UPP2: variants seen among roughly 807,000 people sequenced by gnomAD.
The protein encoded by UPP2 is UPase 2.
Under a neutral mutation model 26.7 loss-of-function variants are expected in UPP2, and 23 were observed. The ratio of observed to expected loss-of-function variants is 0.86; its 90% CI spans 0.62 to 1.22. UPP2 has a LOEUF of 1.22. Ranked by LOEUF, UPP2 falls within the 50% of genes most tolerant of loss-of-function variation. The pLI, the probability that UPP2 is intolerant of heterozygous loss-of-function variation, is 0.00. For synonymous variants in UPP2, 127 were observed against 141.3 expected (o/e 0.90, Z 0.72); for missense variants, 387 against 396.7 (o/e 0.98, Z 0.21).
intron 6 of UPP2, among the ~76,000 whole-genome samples, chr2:158,129,383 G>C (rs921428335): frequency 6.6e-6 from 1 of 152,110 alleles, no homozygotes; most frequent in Non-Finnish European, 1.5e-5. Context: ...GAAGACAGCA[G>C]GTTTTTGAAC....
intron 3 of UPP2, among the ~76,000 whole-genome samples, chr2:158,116,093 C>A: frequency 6.6e-6 from 1 of 152,162 alleles, no homozygotes; most frequent in East Asian, 1.9e-4. Context: ...ACAGTGTGGA[C>A]AATCATTGAT....
chr2:158,121,598 G>A lies in UPP2; in HGVS notation c.644G>A (p.Cys215Tyr). 6.2e-7 allele frequency: 1 copy of A among 1,613,044 alleles called. No individual in the cohort carries two copies. The highest frequency in any genetic ancestry group is 1.1e-5 in the South Asian group (1 of 91,064). ...NFPTLVGHTM[C>Y]TYDFYEGQGR... ...CCAACCCTCGTTGGACATACAATGT[G>A]TACCTATGATTTTTATGAAGGTGAG... The change falls in exon 5 of 7, where the codon TGT becomes TAT. Residue 215 changes from cysteine to tyrosine, a missense_variant. Physicochemically the swap from Cys to Tyr is radical, Grantham distance 194. Transcript: ENST00000005756.
intron 4 of UPP2, 103 bp downstream of exon 4, chr2:158,118,041 G>A (rs1234027735): frequency 1.6e-5 from 15 of 941,742 alleles, no homozygotes; most frequent in African/African-American, 5.0e-5. Context: ...AGCCCAGATG[G>A]GCTAAAAAGT....
At chr2:158,055,353 A>T (rs1244218162) in intron 3 of UPP2, among the ~76,000 whole-genome samples, 1 of 152,148 alleles carries the variant, frequency 6.6e-6, no homozygotes, top group Non-Finnish European at 1.5e-5. Context: ...AGCCCTCACC[A>T]CCCAATCACC....
rs369786499 is a variant in UPP2 at position 158,115,108 on chromosome 2, G to A, written c.188G>A (p.Cys63Tyr). The A allele has an allele frequency of 5.0e-6, 8 of 1,604,504 alleles. No homozygotes were observed. The highest frequency in any genetic ancestry group is 1.3e-5 in the African/African-American group (1 of 74,202). The change falls in exon 3 of 7, where the codon TGT (cysteine) becomes TAT (tyrosine). Residue 63 changes from cysteine (C) to tyrosine (Y), a missense_variant. By Grantham distance (194) the Cys-to-Tyr change is radical (BLOSUM62 -2). Transcript: ENST00000005756. The part of the protein sequence containing the change: ...PAMFGDVKFV[C>Y]VGGSPNRMKA... ...GTTTATTTTTATTAACAGTTTGTCT[G>A]TGTCGGTGGGAGCCCCAACAGAATG...
At chr2:158,035,985 C>T (rs1683994701) in intron 3 of UPP2, among the ~76,000 whole-genome samples, 1 of 152,162 alleles carries the variant, frequency 6.6e-6, no homozygotes, top group Non-Finnish European at 1.5e-5. Context: ...CCAAAATTTA[C>T]CAAGCTCCTG....
chr2:158,119,005 A>G (rs962029233), intron 4 of UPP2, among the ~76,000 whole-genome samples: 3 of 152,076 alleles, frequency 2.0e-5, no homozygotes, highest in African/African-American at 4.8e-5. Flanking sequence ...GTAGAGTGCT[A>G]GCAATAAGTG....
chr2:158,090,974 C>A (rs534464558), intron 3 of UPP2, among the ~76,000 whole-genome samples: 1 of 152,130 alleles, frequency 6.6e-6, no homozygotes, highest in Non-Finnish European at 1.5e-5. Context: ...TGAAAGAGGG[C>A]TAACATCCCA....
In UPP2 at chr2:158,043,690, A is replaced by G. The variant is rs545452597; in HGVS notation, c.147+27804A>G. On this transcript the variant is annotated intron_variant, in intron 3 of 9. Coordinates refer to the UPP2 transcript ENST00000605860. ...TGTGCTTGCTTAGGAGGATGCAGAC[A>G]ACACAGAATTCATGATCTTGCCCAT... Among the ~76,000 whole-genome samples the G allele has an allele frequency of 8.0e-4, 122 of 152,340 alleles. 1 individual carries two copies. Among genetic ancestry groups the G allele is most frequent in the African/African-American group, 2.8e-3 (117 of 41,580 alleles).
intron 6 of UPP2, chr2:158,128,034 T>C: frequency 5.1e-6 from 5 of 984,864 alleles, no homozygotes; most frequent in Non-Finnish European, 6.0e-6. Flanking sequence ...TGTGAACTTG[T>C]GGTAAGTATG....
At chr2:158,033,316 G>A (rs962395046) in intron 3 of UPP2, among the ~76,000 whole-genome samples, 2 of 152,126 alleles carry the variant, frequency 1.3e-5, no homozygotes, top group African/African-American at 2.4e-5. Context: ...CTAGAGCCCT[G>A]GCGGCAAAAA....
chr2:158,057,404 T>A (rs1682264219), intron 3 of UPP2, among the ~76,000 whole-genome samples: 1 of 152,264 alleles, frequency 6.6e-6, no homozygotes, highest in African/African-American at 2.4e-5. Flanking sequence ...TATTTAATCA[T>A]GTATTTATAT....
At chr2:158,011,394 T>A in intron 2 of UPP2, among the ~76,000 whole-genome samples, 1 of 152,346 alleles carries the variant, frequency 6.6e-6, no homozygotes, top group Admixed American at 6.5e-5. Context: ...GCTTCTTTTC[T>A]GGCTCTTTAC....
At position 158,121,592 on chromosome 2, in the gene UPP2, C is replaced by A. The variant is rs765513197; in HGVS notation, c.638C>A (p.Thr213Lys). 1 of 1,613,210 alleles carries A rather than the reference C, an allele frequency of 6.2e-7. No homozygotes were observed. Among genetic ancestry groups the A allele is most frequent in the Admixed American group, 1.7e-5 (1 of 60,006 alleles). Residue 213 changes from threonine (T) to lysine (K), a missense_variant, in exon 5 of 7, where the codon ACA (threonine) becomes AAA (lysine). Thr to Lys is a moderately conservative substitution (Grantham distance 78). Coordinates refer to ENST00000005756, the MANE Select transcript of UPP2 (RefSeq NM_173355.4). ...IPNFPTLVGH[T>K]MCTYDFYEGQ... The stretch of plus-strand genomic sequence containing the variant: ...AACTTCCCAACCCTCGTTGGACATA[C>A]AATGTGTACCTATGATTTTTATGAA...
chr2:158,081,051 G>A (rs2105194693), intron 3 of UPP2, among the ~76,000 whole-genome samples: 1 of 152,222 alleles, frequency 6.6e-6, no homozygotes, highest in Middle Eastern at 3.4e-3. Flanking sequence ...ATTTAGTGTT[G>A]TTACATCTCA....
At chr2:158,005,426 G>A (rs1237961373) in intron 2 of UPP2, among the ~76,000 whole-genome samples, 1 of 152,204 alleles carries the variant, frequency 6.6e-6, no homozygotes, top group Non-Finnish European at 1.5e-5. Flanking sequence ...TGCTGGTAAA[G>A]AATGGGATGG....
chr2:158,079,850 G>GT (rs1682693184), intron 3 of UPP2, among the ~76,000 whole-genome samples: 1 of 152,122 alleles, frequency 6.6e-6, no homozygotes, highest in African/African-American at 2.4e-5. Flanking sequence ...GTTAACAAAT[G>GT]TAAAGCTAAC....
At chr2:158,008,577 A>G (rs987515985) in intron 2 of UPP2, among the ~76,000 whole-genome samples, 1 of 152,206 alleles carries the variant, frequency 6.6e-6, no homozygotes, top group African/African-American at 2.4e-5. Flanking sequence ...CCCTAAAGCT[A>G]ATGACTTTCT....
intron 3 of UPP2, among the ~76,000 whole-genome samples, chr2:158,046,951 A>T (rs1202050232): frequency 6.6e-6 from 1 of 152,200 alleles, no homozygotes; most frequent in African/African-American, 2.4e-5. Context: ...TTTCCAAAGA[A>T]TTTAAATATA....
Sources: gnomAD v4.1 joint callset for allele counts (sites outside exome capture counted in the v4.1 genomes callset) on GRCh38, gnomAD v4.1.1 for gene constraint, MANE v1.5 for transcripts, NCBI Gene and HGNC (gene_info 2026-07-23, HGNC 2026-07-21) for gene names.